CDH8: variants seen among roughly 807,000 people sequenced by gnomAD.
CDH8 encodes cadherin-8.
In CDH8, 17 loss-of-function variants were observed where a neutral mutation model predicts 68.1. The ratio of observed to expected loss-of-function variants is 0.25; its 90% CI spans 0.17 to 0.37. The LOEUF is 0.37. Among genes scored for constraint, CDH8 ranks in the 10% least tolerant of loss-of-function variants. The pLI, the probability that CDH8 is intolerant of heterozygous loss-of-function variation, is 1.00. For missense variants in CDH8, 763 were observed against 999.3 expected, an observed-to-expected ratio of 0.76 and a Z score of 3.19; for synonymous variants, 372 against 365.1, an observed-to-expected ratio of 1.02 and a Z score of -0.21.
At chr16:62,020,156 G>C (rs1201684146) in intron 2 of CDH8, among the ~76,000 whole-genome samples, 2 of 152,166 alleles carry the variant, frequency 1.3e-5, no homozygotes, top group African/African-American at 4.8e-5. Flanking sequence ...GAAACACAAA[G>C]AGTTAACTCA....
At chr16:61,867,501 G>A (rs1963278939) in intron 3 of CDH8, among the ~76,000 whole-genome samples, 1 of 152,068 alleles carries the variant, frequency 6.6e-6, no homozygotes, top group Non-Finnish European at 1.5e-5. Flanking sequence ...TGGTATGAGG[G>A]GACTTTGATA....
intron 2 of CDH8, among the ~76,000 whole-genome samples, chr16:61,911,534 T>A (rs1964162272): frequency 6.6e-6 from 1 of 152,086 alleles, no homozygotes; most frequent in Non-Finnish European, 1.5e-5. Flanking sequence ...CGTTGGAAGT[T>A]AAACTTTAAT....
chr16:61,770,141 G>A (rs1018706115), intron 8 of CDH8, among the ~76,000 whole-genome samples: 1 of 151,798 alleles, frequency 6.6e-6, no homozygotes, highest in Non-Finnish European at 1.5e-5. Context: ...ACAGTGTTCA[G>A]GTTACATCCA....
chr16:61,833,303 A>T (rs1567491686), intron 4 of CDH8, among the ~76,000 whole-genome samples: 1 of 151,516 alleles, frequency 6.6e-6, no homozygotes. Context: ...TAAATTTTGT[A>T]TTTTTTTATA....
intron 10 of CDH8, among the ~76,000 whole-genome samples, chr16:61,677,104 C>A (rs1362692204): frequency 6.6e-6 from 1 of 151,816 alleles, no homozygotes; most frequent in Non-Finnish European, 1.5e-5. Flanking sequence ...TCCTTCAGGT[C>A]TGGAAGATAG....
intron 8 of CDH8, among the ~76,000 whole-genome samples, chr16:61,775,211 AT>A (rs1960874030): frequency 6.6e-6 from 1 of 152,150 alleles, no homozygotes; most frequent in Non-Finnish European, 1.5e-5. Context: ...TTTTAAAGAA[AT>A]AAATAAACAA....
intron 2 of CDH8, among the ~76,000 whole-genome samples, chr16:61,965,339 C>T (rs562105109): frequency 6.6e-6 from 1 of 152,272 alleles, no homozygotes; most frequent in Admixed American, 6.5e-5. Context: ...GAAGGAAGAA[C>T]CAAAAGCAAG....
rs751767245 is a variant in CDH8 at position 61,822,022 on chromosome 16, C to T, written c.836-909G>A. On this transcript the variant is annotated intron_variant, in intron 5 of 11. Coordinates refer to ENST00000577390, the MANE Select transcript of CDH8 (RefSeq NM_001796.5). Reference sequence around the variant, plus strand: ...GGCCAAAAATGCCAGAAAATTAATGCCTCCTGCAGAAGCAGCCCTCAAAGA... The same window carrying T: ...GGCCAAAAATGCCAGAAAATTAATGTCTCCTGCAGAAGCAGCCCTCAAAGA... 4.5e-4 allele frequency among the ~76,000 whole-genome samples: 69 copies of T among 151,868 alleles called. 1 individual carries two copies. Among genetic ancestry groups the T allele is most frequent in the Non-Finnish European group, 8.7e-4 (59 of 67,918 alleles).
intron 10 of CDH8, among the ~76,000 whole-genome samples, chr16:61,667,993 A>G (rs554989673): frequency 1.2e-4 from 18 of 152,160 alleles, no homozygotes; most frequent in Admixed American, 1.0e-3. Context: ...TTAAAGCTCA[A>G]GGATAAGAGA....
chr16:61,652,712 G>T lies in CDH8; in HGVS notation c.*896C>A. 7.9e-7 allele frequency: 1 copy of T among 1,272,156 alleles called. No homozygotes were observed. The highest frequency in any genetic ancestry group is 9.9e-7 in the Non-Finnish European group (1 of 1,007,278). The allele number at this position is 1,272,156 out of a possible 1,614,324, so 78.8% of individuals were successfully genotyped here. A position where few individuals can be genotyped will look rare whatever the true frequency, so the allele number is the denominator to read the frequency against. ...TTCCCATATATCCCCTTAATCTATA[G>T]ATTACCGACCTTAATAAATAAAAGC... is the stretch of plus-strand genomic sequence containing the variant. On this transcript the variant is annotated 3_prime_UTR_variant, in exon 12 of 12. Coordinates refer to ENST00000577390, the MANE Select transcript of CDH8 (RefSeq NM_001796.5).
intron 4 of CDH8, among the ~76,000 whole-genome samples, chr16:61,843,421 C>G (rs1490139875): frequency 6.6e-6 from 1 of 152,136 alleles, no homozygotes; most frequent in African/African-American, 2.4e-5. Context: ...TGGAAAGGAG[C>G]TATGATCATT....
intron 1 of CDH8, among the ~76,000 whole-genome samples, chr16:62,025,594 T>C (rs777033370): frequency 2.6e-5 from 4 of 152,224 alleles, no homozygotes; most frequent in Non-Finnish European, 5.9e-5. Flanking sequence ...TGTCACATCG[T>C]CTGTAGGGAG....
intron 8 of CDH8, among the ~76,000 whole-genome samples, chr16:61,756,116 C>T (rs1278426338): frequency 6.6e-6 from 1 of 152,154 alleles, no homozygotes; most frequent in African/African-American, 2.4e-5. Flanking sequence ...CCACTGCAAC[C>T]AACCTTAATA....
chr16:61,666,464 C>T (rs1379542948), intron 10 of CDH8, among the ~76,000 whole-genome samples: 2 of 151,908 alleles, frequency 1.3e-5, no homozygotes, highest in African/African-American at 2.4e-5. Context: ...TGCCCTGATA[C>T]AGAAATGTTA....
At chr16:61,769,388 T>C (rs1960720495) in intron 8 of CDH8, among the ~76,000 whole-genome samples, 1 of 151,902 alleles carries the variant, frequency 6.6e-6, no homozygotes, top group South Asian at 2.1e-4. Flanking sequence ...CACCTTAATG[T>C]GATGAAATTG....
At chr16:61,999,005 A>C (rs16964151) in intron 2 of CDH8, among the ~76,000 whole-genome samples, 15,071 of 152,222 alleles carry the variant, frequency 0.099, 1,100 homozygotes, top group African/African-American at 0.2. Context: ...GTTAAGTACA[A>C]GAGTCTCATT....
chr16:61,863,212 A>C (rs1220942481), intron 3 of CDH8, among the ~76,000 whole-genome samples: 1 of 152,086 alleles, frequency 6.6e-6, no homozygotes, highest in East Asian at 1.9e-4. Context: ...GTTTAAGTGA[A>C]ATTTGCCAAT....
intron 7 of CDH8, among the ~76,000 whole-genome samples, chr16:61,803,502 T>A (rs376622764): frequency 1.5e-4 from 22 of 151,590 alleles, no homozygotes; most frequent in Admixed American, 3.9e-4. Flanking sequence ...AAATTCTCCA[T>A]TTAAAAGACA....
intron 2 of CDH8, among the ~76,000 whole-genome samples, chr16:61,957,623 C>T (rs1432571722): frequency 6.6e-6 from 1 of 152,190 alleles, no homozygotes; most frequent in African/African-American, 2.4e-5. Context: ...CATATGCTCA[C>T]ACATGCACAC....
Sources: gnomAD v4.1 joint callset for allele counts (sites outside exome capture counted in the v4.1 genomes callset) on GRCh38, gnomAD v4.1.1 for gene constraint, MANE v1.5 for transcripts, NCBI Gene and HGNC (gene_info 2026-07-23, HGNC 2026-07-21) for gene names.